The following DIP2B variants were observed in gnomAD, a reference collection of about 807,000 sequenced individuals.
DIP2B encodes disco-interacting protein 2 homolog B.
A neutral mutation model predicts 198.0 loss-of-function variants in DIP2B; 76 were observed. That is an observed-to-expected ratio of 0.38 (90% CI 0.32 to 0.46). The LOEUF is 0.46. DIP2B is among the 20% of genes least tolerant of loss of function. DIP2B has a pLI of 0.99. For synonymous variants in DIP2B, 701 were observed against 739.1 expected (o/e 0.95, Z 0.84); for missense variants, 1,559 against 1,978.4 (o/e 0.79, Z 4.02).
intron 4 of DIP2B, among the ~76,000 whole-genome samples, chr12:50,662,634 G>A (rs1229786399): frequency 6.6e-6 from 1 of 152,142 alleles, no homozygotes; most frequent in Non-Finnish European, 1.5e-5. Flanking sequence ...CCCAGAACTT[G>A]TTACAGCCTA....
intron 3 of DIP2B, among the ~76,000 whole-genome samples, chr12:50,645,918 T>C (rs1214007231): frequency 6.6e-6 from 1 of 152,002 alleles, no homozygotes; most frequent in Non-Finnish European, 1.5e-5. Flanking sequence ...CCTGGAAAAA[T>C]ATATACCAAA....
At chr12:50,742,419 A>C (rs796769320) in intron 37 of DIP2B, among the ~76,000 whole-genome samples, 4 of 77,252 alleles carry the variant, frequency 5.2e-5, no homozygotes, top group African/African-American at 1.5e-4. Context: ...AAAAAAAAAA[A>C]AAACCACCTC....
At chr12:50,615,518 T>C (rs990663082) in intron 1 of DIP2B, among the ~76,000 whole-genome samples, 4 of 152,228 alleles carry the variant, frequency 2.6e-5, no homozygotes, top group Non-Finnish European at 5.9e-5. Context: ...AGTCTAGCAC[T>C]GTGGAGCAAC....
intron 3 of DIP2B, among the ~76,000 whole-genome samples, chr12:50,646,366 C>T (rs2139493816): frequency 6.6e-6 from 1 of 151,756 alleles, no homozygotes; most frequent in East Asian, 1.9e-4. Context: ...CGTGATCCGC[C>T]TGCCTTGACC....
intron 20 of DIP2B, among the ~76,000 whole-genome samples, chr12:50,704,649 G>A (rs1168725849): frequency 6.6e-6 from 1 of 152,178 alleles, no homozygotes; most frequent in Non-Finnish European, 1.5e-5. Context: ...ACTATGTGAT[G>A]TGTAATAGTG....
At chr12:50,677,731 C>T (rs1275336076) in intron 7 of DIP2B, among the ~76,000 whole-genome samples, 1 of 151,896 alleles carries the variant, frequency 6.6e-6, no homozygotes, top group African/African-American at 2.4e-5. Flanking sequence ...ATGAAATATT[C>T]ACCCCCAATC....
intron 3 of DIP2B, among the ~76,000 whole-genome samples, chr12:50,654,355 T>G (rs536297580): frequency 6.6e-6 from 1 of 151,486 alleles, no homozygotes; most frequent in Admixed American, 6.6e-5. Context: ...TTTCTTTCTT[T>G]CTTTTTTTTT....
At chr12:50,694,956 G>A (rs1455649018) in intron 14 of DIP2B, among the ~76,000 whole-genome samples, 2 of 151,936 alleles carry the variant, frequency 1.3e-5, no homozygotes, top group Non-Finnish European at 2.9e-5. Flanking sequence ...ATAATATGAT[G>A]TCTTTTATGT....
chr12:50,511,291 ATTT>A lies in DIP2B; in HGVS notation c.100+6070_100+6072del, dbSNP rs71083581. ...CCTATCCCTGACCAGTGTGATTTCT[ATTT>A]TTTTTTTTTTTTTTTTTTGAGACAG... On this transcript the variant is annotated intron_variant, in intron 1 of 37. Transcript: ENST00000301180. Among the ~76,000 whole-genome samples, 38 of 64,662 alleles carry A rather than the reference ATTT, an allele frequency of 5.9e-4. 2 individuals carry two copies. Among genetic ancestry groups the A allele is most frequent in the South Asian group, 2.3e-3 (3 of 1,298 alleles). The allele number at this position is 64,662 out of a possible 152,430, so 42.4% of individuals were successfully genotyped here. A position where few individuals can be genotyped will look rare whatever the true frequency, so the allele number is the denominator to read the frequency against.
chr12:50,724,540 T>TA (rs1363559539), intron 27 of DIP2B, among the ~76,000 whole-genome samples: 1 of 152,234 alleles, frequency 6.6e-6, no homozygotes, highest in East Asian at 1.9e-4. Context: ...GAATCACTGT[T>TA]ATAAATGATA....
rs188605105 is a variant in DIP2B, at chr12:50,719,715, C to T, written c.3042+680C>T. On this transcript the variant is annotated intron_variant, in intron 25 of 37. Transcript: ENST00000301180. ...AATCAGCTGGGCGTGGTGGCGGGCA[C>T]CTGTAATCCCAGCTACTCGGGAGGC... Among the ~76,000 whole-genome samples the T allele has an allele frequency of 2.5e-3, 385 of 151,728 alleles. 4 individuals are homozygous for T. The highest frequency in any genetic ancestry group is 0.02 in the Admixed American group (308 of 15,240).
In DIP2B at chr12:50,571,689, A is replaced by C. The variant is rs181364891; in HGVS notation, c.101-54287A>C. ...TGTCTCAGCCTCCCAAGTAACTGGG[A>C]CTACAGGCGTGTGCCACCACGCCTG... On this transcript the variant is annotated intron_variant, in intron 1 of 37. Coordinates refer to ENST00000301180, the MANE Select transcript of DIP2B (RefSeq NM_173602.3). Among the ~76,000 whole-genome samples the C allele has an allele frequency of 3.8e-3, 574 of 151,188 alleles. 1 individual carries two copies. The highest frequency in any genetic ancestry group is 6.6e-3 in the Non-Finnish European group (448 of 67,902).
intron 1 of DIP2B, among the ~76,000 whole-genome samples, chr12:50,507,757 A>G (rs1957980581): frequency 1.3e-5 from 2 of 152,204 alleles, no homozygotes; most frequent in African/African-American, 4.8e-5. Flanking sequence ...GCTGATCTTA[A>G]ACTCCTGACC....
chr12:50,544,624 CTTTTTTTT>C (rs66562074), intron 1 of DIP2B, among the ~76,000 whole-genome samples: 3 of 136,968 alleles, frequency 2.2e-5, no homozygotes, highest in African/African-American at 8.4e-5. Context: ...CTTTCTTTTT[CTTTTTTTT>C]TTTTTTTTTG....
chr12:50,677,255 T>G (rs1938962069), intron 7 of DIP2B, among the ~76,000 whole-genome samples: 2 of 152,218 alleles, frequency 1.3e-5, no homozygotes, highest in South Asian at 4.1e-4. Context: ...TGAGTCTGTG[T>G]GTGTTTATGT....
chr12:50,512,738 G>A (rs1958029132), intron 1 of DIP2B, among the ~76,000 whole-genome samples: 1 of 152,180 alleles, frequency 6.6e-6, no homozygotes, highest in African/African-American at 2.4e-5. Flanking sequence ...GTGTGCAGTG[G>A]CTCCCGCCTG....
At chr12:50,681,852 G>T (rs1386897886) in intron 9 of DIP2B, among the ~76,000 whole-genome samples, 1 of 152,150 alleles carries the variant, frequency 6.6e-6, no homozygotes, top group Non-Finnish European at 1.5e-5. Context: ...AGGTGATTTT[G>T]TGTCTCCCTA....
chr12:50,508,769 G>A (rs544124917), intron 1 of DIP2B, among the ~76,000 whole-genome samples: 35 of 151,314 alleles, frequency 2.3e-4, no homozygotes, highest in African/African-American at 8.5e-4. Context: ...GAAATGGTGC[G>A]ATCTCAGCTC....
At chr12:50,560,708 G>A (rs756480071) in intron 1 of DIP2B, among the ~76,000 whole-genome samples, 4 of 152,084 alleles carry the variant, frequency 2.6e-5, no homozygotes, top group Non-Finnish European at 5.9e-5. Flanking sequence ...CTGAGGTTGC[G>A]CCACTGCGCT....
Sources: gnomAD v4.1 joint callset for allele counts (sites outside exome capture counted in the v4.1 genomes callset) on GRCh38, gnomAD v4.1.1 for gene constraint, MANE v1.5 for transcripts, NCBI Gene and HGNC (gene_info 2026-07-23, HGNC 2026-07-21) for gene names.